Variants in GREB1L observed in about 807,000 individuals in gnomAD.
GREB1L encodes the protein GREB1 like retinoic acid receptor coactivator.
A neutral mutation model predicts 200.8 loss-of-function variants in GREB1L; 17 were observed. The observed-to-expected ratio is 0.08, with a 90% CI of 0.06 to 0.13. The LOEUF is 0.13. GREB1L is among the 10% of genes least tolerant of loss of function. The probability of loss-of-function intolerance (pLI) is 1.00; values close to 1 mark genes in which losing one functional copy is unlikely to be tolerated. For missense variants in GREB1L, 1,657 were observed against 2,367.7 expected (o/e 0.70, Z 6.23); for synonymous variants, 789 against 893.0 (o/e 0.88, Z 2.08).
intron 21 of GREB1L, among the ~76,000 whole-genome samples, chr18:21,496,963 A>C (rs1474984631): frequency 1.3e-5 from 2 of 152,088 alleles, no homozygotes; most frequent in Non-Finnish European, 2.9e-5. Flanking sequence ...AGCCTGTACC[A>C]TTTTCCCTAG....
chr18:21,391,268 T>A (rs999722130), intron 4 of GREB1L, among the ~76,000 whole-genome samples: 1 of 152,252 alleles, frequency 6.6e-6, no homozygotes, highest in Non-Finnish European at 1.5e-5. Context: ...TTTACATATG[T>A]TTAGATACAC....
intron 1 of GREB1L, among the ~76,000 whole-genome samples, chr18:21,351,058 T>A (rs1314230389): frequency 1.4e-4 from 21 of 152,112 alleles, no homozygotes; most frequent in African/African-American, 4.6e-4. Context: ...ATATATATAT[T>A]TTGTTCCCCT....
At chr18:21,267,050 C>T (rs1210445816) in intron 1 of GREB1L, among the ~76,000 whole-genome samples, 1 of 152,146 alleles carries the variant, frequency 6.6e-6, no homozygotes, top group Non-Finnish European at 1.5e-5. Context: ...TCTCCTACCT[C>T]AGTCTGCTGA....
intron 16 of GREB1L, among the ~76,000 whole-genome samples, chr18:21,474,036 C>T (rs2035588528): frequency 6.6e-6 from 1 of 152,194 alleles, no homozygotes; most frequent in Non-Finnish European, 1.5e-5. Flanking sequence ...TCCCACAACA[C>T]GTGGGAATTA....
Position 21,449,587 on chromosome 18 carries a change from A to G in GREB1L, c.1471A>G (p.Arg491Gly), listed in dbSNP as rs1440033327. The G allele has an allele frequency of 6.4e-7, 1 of 1,551,200 alleles. No homozygotes were observed. The highest frequency in any genetic ancestry group is 1.4e-5 in the African/African-American group (1 of 73,056). The change falls in exon 12 of 33, where the codon AGA becomes GGA. Residue 491 changes from arginine (R) to glycine (G), a missense_variant. This residue lies in a region of GREB1L where 289 missense variants were observed against 345.1 expected (regional missense o/e 0.84). Transcript: ENST00000424526. Reference protein sequence around the residue: ...KAMQEFTLRERALQIGAQCVP... With the variant: ...KAMQEFTLREGALQIGAQCVP... ...TATGCAAGAATTTACTCTGAGAGAA[A>G]GAGCCCTGCAGATAGGTGCTCAGTG...
rs2144783558 is a variant in GREB1L, at chr18:21,309,801, G to C, written c.-119-56226G>C. Among the ~76,000 whole-genome samples the C allele has an allele frequency of 2.0e-5, 3 of 152,164 alleles. 1 individual carries two copies. In the South Asian group the frequency reaches 6.2e-4, roughly 32 times the overall value. The stretch of plus-strand genomic sequence containing the variant: ...AAATCACGGTCTAGCAATGTCTGGA[G>C]ACATTTTTGGTTGTCACACTGAGGG... On this transcript the variant is annotated intron_variant, in intron 1 of 32. Coordinates refer to ENST00000424526, the MANE Select transcript of GREB1L (RefSeq NM_001142966.3).
At chr18:21,441,347 G>A in intron 9 of GREB1L, 53 bp from the exon 10 acceptor site, 1 of 1,433,808 alleles carries the variant, frequency 7.0e-7, no homozygotes, top group South Asian at 1.4e-5. Context: ...GCTTTCTATT[G>A]TATTTCATTT....
intron 21 of GREB1L, among the ~76,000 whole-genome samples, chr18:21,498,788 C>A (rs1419632121): frequency 6.6e-6 from 1 of 152,178 alleles, no homozygotes; most frequent in African/African-American, 2.4e-5. Flanking sequence ...GGCAAGCTCT[C>A]CCCCAAGGCA....
At position 21,449,778 on chromosome 18, in the gene GREB1L, T is replaced by C. The variant is rs1462783728; in HGVS notation, c.1662T>C (p.Tyr554=). ...GACACTATCAAAGGCTGCCAGATTATGTGGTGGTAATTTGTGCATCGAAAA... is the reference window on the plus strand; with the variant it reads ...GACACTATCAAAGGCTGCCAGATTACGTGGTGGTAATTTGTGCATCGAAAA... The part of the protein sequence containing the change: ...EMRHYQRLPD[Y]VVVICASKIR... Residue 554 remains tyrosine, a synonymous_variant, in exon 12 of 33, where the codon TAT becomes TAC. Transcript: ENST00000424526. 31 of 1,550,214 alleles carry C rather than the reference T, an allele frequency of 2.0e-5. No individual in the cohort carries two copies. In the Admixed American group the frequency reaches 6.1e-4, roughly 30 times the overall value.
At chr18:21,428,196 CAAAAAAAAAAAAA>C (rs60750456) in intron 7 of GREB1L, among the ~76,000 whole-genome samples, 3 of 48,138 alleles carry the variant, frequency 6.2e-5, no homozygotes, top group South Asian at 1.1e-3. Context: ...GACTCCGTCT[CAAAAAAAAAAAAA>C]AAAAAAAAAA....
At chr18:21,459,279 C>CTT (rs746568414) in intron 15 of GREB1L, among the ~76,000 whole-genome samples, 1,143 of 85,782 alleles carry the variant, frequency 0.013, 2 homozygotes, top group Middle Eastern at 0.024. Flanking sequence ...TTTTTCTTTA[C>CTT]TTTTTTTTTT....
At chr18:21,373,608 C>T (rs1567958779) in intron 2 of GREB1L, among the ~76,000 whole-genome samples, 1 of 152,054 alleles carries the variant, frequency 6.6e-6, no homozygotes, top group African/African-American at 2.4e-5. Flanking sequence ...TGCTGGGATT[C>T]CAGGCCGTGA....
intron 1 of GREB1L, among the ~76,000 whole-genome samples, chr18:21,317,056 T>A (rs1411278943): frequency 6.6e-6 from 1 of 151,974 alleles, no homozygotes; most frequent in Admixed American, 6.6e-5. Context: ...AGCCATCGCG[T>A]CTGGCCAGGA....
chr18:21,464,744 A>G (rs777572130), intron 15 of GREB1L, among the ~76,000 whole-genome samples: 1 of 152,186 alleles, frequency 6.6e-6, no homozygotes, highest in Non-Finnish European at 1.5e-5. Flanking sequence ...AAAGCACACA[A>G]TGTCACCTAT....
chr18:21,347,688 C>T (rs2039368358), intron 1 of GREB1L, among the ~76,000 whole-genome samples: 1 of 151,350 alleles, frequency 6.6e-6, no homozygotes, highest in African/African-American at 2.4e-5. Context: ...AACTCCTGAC[C>T]TCAGGTGATC....
At chr18:21,340,302 C>T (rs1250514880) in intron 1 of GREB1L, among the ~76,000 whole-genome samples, 1 of 151,946 alleles carries the variant, frequency 6.6e-6, no homozygotes, top group Non-Finnish European at 1.5e-5. Context: ...CACCTGTAGT[C>T]CCAGCTACTT....
chr18:21,270,404 TGGTAGGAGG>T (rs769384565), intron 1 of GREB1L, among the ~76,000 whole-genome samples: 9 of 151,404 alleles, frequency 5.9e-5, no homozygotes, highest in Non-Finnish European at 8.8e-5. Flanking sequence ...GTGGATGGAG[TGGTAGGAGG>T]GAAGCCTGGC....
intron 1 of GREB1L, among the ~76,000 whole-genome samples, chr18:21,345,391 G>A (rs2039330305): frequency 6.6e-6 from 1 of 152,104 alleles, no homozygotes; most frequent in East Asian, 1.9e-4. Context: ...TCCTTGTCGT[G>A]GTCTTTAACA....
intron 1 of GREB1L, among the ~76,000 whole-genome samples, chr18:21,273,267 A>C (rs2038107437): frequency 6.6e-6 from 1 of 152,210 alleles, no homozygotes. Context: ...ATAAATGATA[A>C]TGATAATTTG....
Sources: gnomAD v4.1 joint callset for allele counts (sites outside exome capture counted in the v4.1 genomes callset) on GRCh38, gnomAD v4.1.1 for gene constraint, gnomAD v4.1.1 regional missense constraint, MANE v1.5 for transcripts, NCBI Gene and HGNC (gene_info 2026-07-23, HGNC 2026-07-21) for gene names.